SDCCAG8: variants seen among roughly 807,000 people sequenced by gnomAD.
The protein encoded by SDCCAG8 is serologically defined colon cancer antigen 8.
In SDCCAG8, 74 loss-of-function variants were observed where a neutral mutation model predicts 101.8. That is an observed-to-expected ratio of 0.73 (90% CI 0.60 to 0.88). The LOEUF is 0.88. SDCCAG8 is among the 40% of genes least tolerant of loss of function. SDCCAG8 has a pLI of 0.00. For missense variants in SDCCAG8, 787 were observed against 822.6 expected (o/e 0.96, Z 0.53); for synonymous variants, 281 against 292.9 (o/e 0.96, Z 0.41).
intron 16 of SDCCAG8, among the ~76,000 whole-genome samples, chr1:243,486,661 C>A (rs1664939516): frequency 6.6e-6 from 1 of 152,230 alleles, no homozygotes; most frequent in African/African-American, 2.4e-5. Context: ...TTTGGCCCTG[C>A]CCATTGCCCT....
chr1:243,293,116 C>G lies in SDCCAG8; in HGVS notation c.572C>G (p.Thr191Arg). 6.2e-7 allele frequency: 1 copy of G among 1,614,106 alleles called. No individual in the cohort carries two copies. The highest frequency in any genetic ancestry group is 8.5e-7 in the Non-Finnish European group (1 of 1,179,994). Residue 191 changes from threonine to arginine, a missense_variant, in exon 6 of 18, where the codon ACA (threonine) becomes AGA (arginine). By Grantham distance (71) the Thr-to-Arg change is moderately conservative. Coordinates refer to ENST00000366541, the MANE Select transcript of SDCCAG8 (RefSeq NM_006642.5). The stretch of plus-strand genomic sequence containing the variant: ...GGAAACATGCACAATTCTTGGATTA[C>G]AACAGGTGAAGATTCTGGGGTGGGC... ...ASGNMHNSWI[T>R]TGEDSGVGET...
chr1:243,333,076 C>A (rs184572085), intron 10 of SDCCAG8, among the ~76,000 whole-genome samples: 76 of 152,346 alleles, frequency 5.0e-4, no homozygotes, highest in African/African-American at 1.8e-3. Flanking sequence ...GTGATGACCA[C>A]CTCAACTATT....
chr1:243,409,737 T>C (rs2080037776), intron 13 of SDCCAG8, among the ~76,000 whole-genome samples: 1 of 152,160 alleles, frequency 6.6e-6, no homozygotes, highest in Admixed American at 6.6e-5. Context: ...CATAATGGAT[T>C]ATAACCCACT....
At chr1:243,342,621 A>T (rs2075444192) in intron 11 of SDCCAG8, among the ~76,000 whole-genome samples, 5 of 152,212 alleles carry the variant, frequency 3.3e-5, no homozygotes, top group Admixed American at 3.3e-4. Flanking sequence ...TCGGGGTTTT[A>T]TTCCATTTTA....
At position 243,304,762 on chromosome 1, in the gene SDCCAG8, A is replaced by G. The variant is rs923218609; in HGVS notation, c.725A>G (p.Gln242Arg). 1.9e-6 allele frequency: 3 copies of G among 1,591,222 alleles called. No homozygotes were observed. The highest frequency in any genetic ancestry group is 3.3e-5 in the Admixed American group (2 of 59,982). Residue 242 changes from glutamine (Q) to arginine (R), a missense_variant, in exon 7 of 18, where the codon CAA (glutamine) becomes CGA (arginine). Gln to Arg is a conservative substitution (Grantham distance 43). Coordinates refer to ENST00000366541, the MANE Select transcript of SDCCAG8 (RefSeq NM_006642.5). ...YEEKCEIEES[Q>R]LKFLRNDLAE... ...GAAAAGTGTGAAATTGAGGAATCCCAATTGAAGTTTTTGAGGTAAAGTGAA... is the reference window on the plus strand; with the variant it reads ...GAAAAGTGTGAAATTGAGGAATCCCGATTGAAGTTTTTGAGGTAAAGTGAA...
At chr1:243,313,842 G>C (rs1181103376) in intron 8 of SDCCAG8, among the ~76,000 whole-genome samples, 1 of 152,182 alleles carries the variant, frequency 6.6e-6, no homozygotes, top group Admixed American at 6.5e-5. Flanking sequence ...ACCCTGGGTG[G>C]CTGGAATCGG....
At chr1:243,321,952 A>C (rs1434637916) in intron 9 of SDCCAG8, among the ~76,000 whole-genome samples, 1 of 152,238 alleles carries the variant, frequency 6.6e-6, no homozygotes, top group East Asian at 1.9e-4. Flanking sequence ...CCCGGCCTCT[A>C]TGTCTTTGCT....
chr1:243,351,684 C>T (rs1272544961), intron 12 of SDCCAG8, among the ~76,000 whole-genome samples: 1 of 152,180 alleles, frequency 6.6e-6, no homozygotes, highest in African/African-American at 2.4e-5. Context: ...ATAAATCAGC[C>T]TCTTTTGTTC....
At chr1:243,387,161 T>C (rs1436205298) in intron 13 of SDCCAG8, among the ~76,000 whole-genome samples, 3 of 152,220 alleles carry the variant, frequency 2.0e-5, no homozygotes, top group South Asian at 2.1e-4. Flanking sequence ...ATTTACGATA[T>C]GGCTGAATAA....
chr1:243,479,097 G>A (rs566910626), intron 16 of SDCCAG8, among the ~76,000 whole-genome samples: 3 of 152,312 alleles, frequency 2.0e-5, no homozygotes, highest in East Asian at 1.9e-4. Context: ...GTAAAATGCC[G>A]CAGCAATGGT....
rs187111612 is a variant in SDCCAG8 at position 243,427,707 on chromosome 1, G to C, written c.1985+1149G>C. On this transcript the variant is annotated intron_variant, in intron 16 of 17. Coordinates refer to ENST00000366541, the MANE Select transcript of SDCCAG8 (RefSeq NM_006642.5). Reference sequence around the variant, plus strand: ...TGGGGTGGGGGGGAGGTATTTTTACGTTGATTACTTGCTTTATTGAATGAA... The same window carrying C: ...TGGGGTGGGGGGGAGGTATTTTTACCTTGATTACTTGCTTTATTGAATGAA... Among the ~76,000 whole-genome samples, 3 of 152,150 alleles carry C rather than the reference G, an allele frequency of 2.0e-5. No homozygotes were observed. In the East Asian group the frequency reaches 5.8e-4, roughly 29 times the overall value.
At chr1:243,459,013 C>T (rs985327020) in intron 16 of SDCCAG8, among the ~76,000 whole-genome samples, 1 of 152,078 alleles carries the variant, frequency 6.6e-6, no homozygotes, top group Non-Finnish European at 1.5e-5. Context: ...GTTTATGTTA[C>T]CTTAAATTTG....
chr1:243,318,566 C>T (rs1344950752), intron 9 of SDCCAG8: 2 of 985,192 alleles, frequency 2.0e-6, no homozygotes, highest in East Asian at 1.1e-4. Flanking sequence ...TCAGCCATTG[C>T]TATGTCCATT....
chr1:243,286,262 TTTA>T lies in SDCCAG8; in HGVS notation c.421-5_421-3del. ...ATAATGCTTAATGTGTTTGGTTTTG[TTTA>T]TTATAGGAGGAACTCTCTGGAATGA... On this transcript the variant is annotated splice_polypyrimidine_tract_variant and splice_region_variant and intron_variant, in intron 4 of 17. Transcript: ENST00000366541. 6.2e-7 allele frequency: 1 copy of T among 1,613,562 alleles called. No homozygotes were observed. The highest frequency in any genetic ancestry group is 8.5e-7 in the Non-Finnish European group (1 of 1,179,512).
chr1:243,498,248 C>T (rs986837989), intron 17 of SDCCAG8, among the ~76,000 whole-genome samples: 1 of 152,220 alleles, frequency 6.6e-6, no homozygotes, highest in Non-Finnish European at 1.5e-5. Context: ...GTGTTGGTGG[C>T]AGTCTCCGTG....
intron 16 of SDCCAG8, among the ~76,000 whole-genome samples, chr1:243,461,701 C>A (rs945478969): frequency 6.6e-6 from 1 of 151,792 alleles, no homozygotes; most frequent in Non-Finnish European, 1.5e-5. Flanking sequence ...ATTTTCATCC[C>A]ATTCCTTATT....
intron 16 of SDCCAG8, chr1:243,476,277 C>T (rs971884342): frequency 2.0e-6 from 2 of 985,324 alleles, no homozygotes; most frequent in African/African-American, 3.5e-5. Context: ...AAATAAAAAG[C>T]TTTCAGCATT....
At chr1:243,315,477 C>T (rs1412218541) in intron 8 of SDCCAG8, among the ~76,000 whole-genome samples, 1 of 152,168 alleles carries the variant, frequency 6.6e-6, no homozygotes, top group African/African-American at 2.4e-5. Flanking sequence ...AAGTGAAGAT[C>T]ACTCTGCTTC....
chr1:243,412,053 A>C (rs2080218753), intron 13 of SDCCAG8, among the ~76,000 whole-genome samples: 1 of 152,130 alleles, frequency 6.6e-6, no homozygotes, highest in African/African-American at 2.4e-5. Flanking sequence ...TTTCTTACGA[A>C]GTATTTTGCC....
Sources: allele counts gnomAD v4.1 joint callset (sites outside exome capture counted in the v4.1 genomes callset), GRCh38; gene constraint gnomAD v4.1.1; transcripts MANE v1.5; gene names NCBI Gene and HGNC (gene_info 2026-07-23, HGNC 2026-07-21).